The following EIF3H variants were observed in gnomAD, a reference collection of about 807,000 sequenced individuals.
The protein encoded by EIF3H is eIF-3-gamma.
In EIF3H, 26 loss-of-function variants were observed where a neutral mutation model predicts 44.2. That is an observed-to-expected ratio of 0.59 (90% CI 0.43 to 0.82). The LOEUF (loss-of-function observed/expected upper bound fraction) is 0.82, where lower values mean the gene tolerates loss of function less well. Among genes scored for constraint, EIF3H ranks in the 40% least tolerant of loss-of-function variants. The probability of loss-of-function intolerance (pLI) is 0.00; values close to 1 mark genes in which losing one functional copy is unlikely to be tolerated. For missense variants in EIF3H, 359 were observed against 432.8 expected (o/e 0.83, Z 1.51); for synonymous variants, 166 against 151.9 (o/e 1.09, Z -0.68).
At chr8:116,671,100 G>A (rs577832848) in intron 2 of EIF3H, among the ~76,000 whole-genome samples, 19 of 152,338 alleles carry the variant, frequency 1.2e-4, no homozygotes, top group African/African-American at 4.6e-4. Context: ...ACTTCTATGG[G>A]CTATACTGAT....
chr8:116,687,696 A>G (rs1814099852), intron 2 of EIF3H, among the ~76,000 whole-genome samples: 1 of 152,202 alleles, frequency 6.6e-6, no homozygotes, highest in Admixed American at 6.5e-5. Flanking sequence ...TTTCAAATCT[A>G]TGGTAAACCA....
intron 3 of EIF3H, 84 bp downstream of exon 3, chr8:116,658,729 C>T (rs1813533134): frequency 2.1e-6 from 3 of 1,416,682 alleles, no homozygotes; most frequent in Admixed American, 4.2e-5. Context: ...GCCTGCCAGA[C>T]TGCTCTTAGA....
chr8:116,701,071 CTCAATT>C (rs1814368335), intron 2 of EIF3H, among the ~76,000 whole-genome samples: 2 of 152,106 alleles, frequency 1.3e-5, no homozygotes, highest in African/African-American at 2.4e-5. Flanking sequence ...GAATATATTC[CTCAATT>C]TCAAACAAAT....
At chr8:116,667,011 T>G (rs552299367) in intron 2 of EIF3H, among the ~76,000 whole-genome samples, 5 of 152,326 alleles carry the variant, frequency 3.3e-5, no homozygotes, top group African/African-American at 1.2e-4. Flanking sequence ...ACAAAGGACT[T>G]GAGGTAGCTT....
intron 1 of EIF3H, among the ~76,000 whole-genome samples, chr8:116,762,964 A>AG (rs2131013794): frequency 6.6e-6 from 1 of 152,372 alleles, no homozygotes; most frequent in East Asian, 1.9e-4. Flanking sequence ...GGAAAAAAAA[A>AG]GAATTCTGGG....
At chr8:116,687,432 A>G (rs1445080578) in intron 2 of EIF3H, among the ~76,000 whole-genome samples, 2 of 152,216 alleles carry the variant, frequency 1.3e-5, no homozygotes, top group Non-Finnish European at 2.9e-5. Context: ...AGCAAAAGAA[A>G]AGCAAATCAC....
At chr8:116,656,104 T>C in intron 4 of EIF3H, 99 bp from the exon 5 acceptor site, 2 of 1,128,604 alleles carry the variant, frequency 1.8e-6, no homozygotes, top group East Asian at 2.6e-5. Context: ...CTATCCAAGA[T>C]CTTTGTTTCA....
At chr8:116,714,113 G>T (rs1298230166) in intron 2 of EIF3H, among the ~76,000 whole-genome samples, 1 of 152,008 alleles carries the variant, frequency 6.6e-6, no homozygotes, top group Non-Finnish European at 1.5e-5. Context: ...CAAGGAATCT[G>T]AACAATAAAG....
At chr8:116,659,211 T>C (rs923129062) in intron 2 of EIF3H, among the ~76,000 whole-genome samples, 2 of 152,210 alleles carry the variant, frequency 1.3e-5, no homozygotes, top group Admixed American at 6.5e-5. Context: ...TTGTAGAAAA[T>C]GTATTACACA....
At chr8:116,705,485 T>C (rs552780134) in intron 2 of EIF3H, among the ~76,000 whole-genome samples, 11 of 134,344 alleles carry the variant, frequency 8.2e-5, no homozygotes, top group African/African-American at 2.7e-4. Context: ...GTGGGTAACA[T>C]GTTACACCCC....
chr8:116,687,133 A>C (rs1351422643), intron 2 of EIF3H, among the ~76,000 whole-genome samples: 1 of 152,222 alleles, frequency 6.6e-6, no homozygotes, highest in Non-Finnish European at 1.5e-5. Flanking sequence ...AGGCCACTGC[A>C]GTAATTCATG....
chr8:116,680,635 C>A (rs1354149005), intron 2 of EIF3H, among the ~76,000 whole-genome samples: 6 of 123,906 alleles, frequency 4.8e-5, no homozygotes, highest in Non-Finnish European at 1.0e-4. Flanking sequence ...GCAGCATGCT[C>A]GTTAAGAGTC....
intron 2 of EIF3H, among the ~76,000 whole-genome samples, chr8:116,701,657 T>C (rs780663917): frequency 5.9e-5 from 9 of 152,176 alleles, no homozygotes; most frequent in Non-Finnish European, 1.3e-4. Context: ...CCCCAAATCA[T>C]GGGGATTATT....
intron 2 of EIF3H, among the ~76,000 whole-genome samples, 191 bp downstream of exon 2, chr8:116,725,825 A>T (rs1480999952): frequency 1.3e-5 from 2 of 152,232 alleles, no homozygotes; most frequent in Non-Finnish European, 2.9e-5. Flanking sequence ...GTAAAGGCCA[A>T]ACTAATGATG....
chr8:116,697,448 T>C (rs74364288), intron 2 of EIF3H, among the ~76,000 whole-genome samples: 2,208 of 152,290 alleles, frequency 0.014, 50 homozygotes, highest in African/African-American at 0.049. Flanking sequence ...TCTTAATGAC[T>C]GGGAACAAAG....
intron 1 of EIF3H, among the ~76,000 whole-genome samples, chr8:116,746,818 C>T (rs80057702): frequency 0.07 from 10,658 of 152,186 alleles, 533 homozygotes; most frequent in Non-Finnish European, 0.11. Context: ...TCCTCACTCA[C>T]AAATACTCAG....
chr8:116,705,497 C>CA (rs968703495), intron 2 of EIF3H, among the ~76,000 whole-genome samples: 19 of 129,090 alleles, frequency 1.5e-4, no homozygotes, highest in African/African-American at 7.0e-4. Context: ...TTACACCCCC[C>CA]CCCACCACCA....
chr8:116,691,120 A>C (rs1486010245), intron 2 of EIF3H, among the ~76,000 whole-genome samples: 1 of 152,222 alleles, frequency 6.6e-6, no homozygotes, highest in Non-Finnish European at 1.5e-5. Flanking sequence ...TTTGATGGCA[A>C]CTCCCAATGA....
At chr8:116,681,896 CA>C (rs1288984646) in intron 2 of EIF3H, among the ~76,000 whole-genome samples, 1 of 151,856 alleles carries the variant, frequency 6.6e-6, no homozygotes, top group African/African-American at 2.4e-5. Context: ...CACATGCTCA[CA>C]AAAGTGATAG....
Sources: gnomAD v4.1 joint callset for allele counts (sites outside exome capture counted in the v4.1 genomes callset) on GRCh38, gnomAD v4.1.1 for gene constraint, MANE v1.5 for transcripts, NCBI Gene and HGNC (gene_info 2026-07-23, HGNC 2026-07-21) for gene names.